The following RPS3 variants were observed in gnomAD, a reference collection of about 807,000 sequenced individuals.
RPS3 encodes ribosomal protein S3.
RPS3 carries 2 observed loss-of-function variants against 25.8 expected under a neutral mutation model. The observed-to-expected ratio is 0.08, with a 90% CI of 0.03 to 0.24. The LOEUF (loss-of-function observed/expected upper bound fraction) is 0.24, where lower values mean the gene tolerates loss of function less well. Among genes scored for constraint, RPS3 ranks in the 10% least tolerant of loss-of-function variants. The pLI is 1.00. For missense variants in RPS3, 107 were observed against 307.1 expected (o/e 0.35, Z 4.87); for synonymous variants, 114 against 114.2 (o/e 1.00, Z 0.01).
In RPS3 at chr11:75,404,726, T is replaced by C. The variant is rs774988250; in HGVS notation, c.593T>C (p.Ile198Thr). Residue 198 changes from isoleucine (I) to threonine (T), a missense_variant, in exon 6 of 7, where the codon ATT becomes ACT. Transcript: ENST00000531188. The surrounding 1 kb of genome is among the most constrained non-coding windows in gnomAD (Gnocchi z 4.6). Reference protein sequence around the residue: ...IMLPWDPTGKIGPKKPLPDHV... With the variant: ...IMLPWDPTGKTGPKKPLPDHV... ...CTGCCCTGGGACCCAACTGGTAAGA[T>C]TGGCCCTAAGAAGCCCCTGCCTGAC... 4 of 1,613,426 alleles carry C rather than the reference T, an allele frequency of 2.5e-6. No individual in the cohort carries two copies. Among genetic ancestry groups the C allele is most frequent in the African/African-American group, 1.3e-5 (1 of 75,002 alleles).
chr11:75,416,147 T>G (rs73492884), intron 6 of RPS3, among the ~76,000 whole-genome samples: 5,563 of 152,284 alleles, frequency 0.037, 325 homozygotes, highest in African/African-American at 0.13. Flanking sequence ...ATCAGTTACC[T>G]CCCTGTTCCT....
chr11:75,409,935 G>A (rs1463560547), downstream of RPS3, among the ~76,000 whole-genome samples: 1 of 147,736 alleles, frequency 6.8e-6, no homozygotes, highest in Non-Finnish European at 1.5e-5. Context: ...CCGGCCGGGC[G>A]GGGGGCTGAC....
Position 75,404,975 on chromosome 11 carries a change from T to C in RPS3, c.*3+107T>C. The C allele has an allele frequency of 1.3e-6, 1 of 760,582 alleles. No individual in the cohort carries two copies. The highest frequency in any genetic ancestry group is 2.0e-6 in the Non-Finnish European group (1 of 491,772). The allele number at this position is 760,582 out of a possible 1,614,324, so 47.1% of individuals were successfully genotyped here. A position where few individuals can be genotyped will look rare whatever the true frequency, so the allele number is the denominator to read the frequency against. Reference sequence around the variant, plus strand: ...TGGTAAGCGTTTGGTGAATAAAAATTTCATTTATTTGCTTTATGTGGGAGA... The same window carrying C: ...TGGTAAGCGTTTGGTGAATAAAAATCTCATTTATTTGCTTTATGTGGGAGA... On this transcript the variant is annotated intron_variant, in intron 6 of 6. Coordinates refer to ENST00000531188, the MANE Select transcript of RPS3 (RefSeq NM_001005.5). The surrounding 1 kb of genome is among the most constrained non-coding windows in gnomAD (Gnocchi z 4.6).
chr11:75,402,091 T>G (rs1294250158), intron 3 of RPS3: 2 of 564,470 alleles, frequency 3.5e-6, no homozygotes, highest in Admixed American at 6.1e-5. Context: ...CTGTATATGA[T>G]GGTGGTGTCC....
rs1266254600 is a variant in RPS3, at chr11:75,402,335, C to T, written c.256-17C>T. 4 of 1,612,818 alleles carry T rather than the reference C, an allele frequency of 2.5e-6. No individual in the cohort carries two copies. Among genetic ancestry groups the T allele is most frequent in the Non-Finnish European group, 8.5e-7 (1 of 1,178,910 alleles). On this transcript the variant is annotated splice_polypyrimidine_tract_variant and intron_variant, in intron 3 of 6. Coordinates refer to ENST00000531188, the MANE Select transcript of RPS3 (RefSeq NM_001005.5). ...ATAATGGTGATGGTAACAGGATATC[C>T]CTTGCTTCCTTTAAAGCTTTATGCT...
In RPS3 at chr11:75,401,679, G is replaced by C; in HGVS notation, c.201G>C (p.Arg67=). 2 of 1,613,752 alleles carry C rather than the reference G, an allele frequency of 1.2e-6. No homozygotes were observed. The highest frequency in any genetic ancestry group is 1.7e-6 in the Non-Finnish European group (2 of 1,179,596). Residue 67 remains arginine (R), a synonymous_variant, in exon 3 of 7, where the codon CGG becomes CGC. Coordinates refer to ENST00000531188, the MANE Select transcript of RPS3 (RefSeq NM_001005.5). ...TTGGTGAGAAGGGCCGGCGGATTCG[G>C]GAACTGACTGCTGTAGTTCAGAAGA... ...NVLGEKGRRI[R]ELTAVVQKRF... is the part of the protein sequence containing the mutation.
At position 75,406,367 on chromosome 11, in the gene RPS3, T is replaced by TG. The variant is rs1491548235; in HGVS notation, c.*758dup. 6.6e-6 allele frequency: 1 copy of TG among 152,216 alleles called. No individual in the cohort carries two copies. Among genetic ancestry groups the TG allele is most frequent in the Non-Finnish European group, 1.5e-5 (1 of 68,046 alleles). 9.4% of individuals were successfully genotyped at this position (152,216 alleles called of 1,614,324 possible). On this transcript the variant is annotated 3_prime_UTR_variant, in exon 7 of 7. Coordinates refer to ENST00000531188, the MANE Select transcript of RPS3 (RefSeq NM_001005.5). ...CAGGTTGGCTTGAAAATCATGAGAC[T>TG]GTTGTTAAATCAGATGCTGGTTGAT... is the stretch of plus-strand genomic sequence containing the variant.
chr11:75,403,930 G>A (rs1948246450), intron 4 of RPS3, 90 bp from the exon 5 acceptor site: 3 of 1,255,152 alleles, frequency 2.4e-6, no homozygotes, highest in Admixed American at 2.2e-5. Context: ...TCCATTAAAG[G>A]AACATTGAAA....
intron 6 of RPS3, among the ~76,000 whole-genome samples, chr11:75,416,972 A>G (rs1253918681): frequency 6.6e-6 from 1 of 152,210 alleles, no homozygotes; most frequent in African/African-American, 2.4e-5. Context: ...CCAGACTGGT[A>G]TGACTCTCTG....
chr11:75,407,506 C>T (rs533055871), downstream of RPS3, among the ~76,000 whole-genome samples: 4 of 152,184 alleles, frequency 2.6e-5, no homozygotes, highest in Admixed American at 2.6e-4. Flanking sequence ...GAGTCTCGCT[C>T]TGTCACCCAG....
intron 1 of RPS3, chr11:75,399,802 G>A: frequency 3.5e-6 from 2 of 565,162 alleles, no homozygotes; most frequent in Non-Finnish European, 6.3e-6. Flanking sequence ...TGGGCACCAG[G>A]CGCCCCTTCT....
At chr11:75,401,008 G>T (rs1359108845) in intron 2 of RPS3, among the ~76,000 whole-genome samples, 184 bp downstream of exon 2, 1 of 151,996 alleles carries the variant, frequency 6.6e-6, no homozygotes, top group Non-Finnish European at 1.5e-5. Flanking sequence ...TCAGCCTCCC[G>T]AGTAGCTGGG....
chr11:75,409,330 C>T (rs1358637228), downstream of RPS3, among the ~76,000 whole-genome samples: 9 of 136,958 alleles, frequency 6.6e-5, no homozygotes, highest in African/African-American at 1.9e-4. Flanking sequence ...GAGGACCCTG[C>T]GGCCTTCCGC....
chr11:75,417,964 G>T (rs930424040), intron 6 of RPS3, among the ~76,000 whole-genome samples: 13 of 152,202 alleles, frequency 8.5e-5, no homozygotes, highest in African/African-American at 2.9e-4. Flanking sequence ...CCCAGCCTCG[G>T]CCCGGATCAA....
chr11:75,405,003 A>G, intron 6 of RPS3, 135 bp downstream of exon 6: 1 of 592,012 alleles, frequency 1.7e-6, no homozygotes, highest in South Asian at 3.2e-5. Flanking sequence ...GTGGGAGAAT[A>G]CAAGTTGAAA....
chr11:75,400,731 A>C lies in RPS3; in HGVS notation c.68A>C (p.Glu23Ala), dbSNP rs776774578. ...GGCATCTTCAAAGCTGAACTGAATG[A>C]GTTTCTTACTCGGGAGCTGGCTGAA... is the stretch of plus-strand genomic sequence containing the variant. ...ADGIFKAELN[E>A]FLTRELAEDG... Residue 23 changes from glutamate (E) to alanine (A), a missense_variant, in exon 2 of 7, where the codon GAG (glutamate) becomes GCG (alanine). Glu to Ala is a moderately radical substitution (Grantham distance 107). Around this residue, in one of 2 missense-constraint regions of RPS3, gnomAD observed 81 missense variants for 286.8 expected, o/e 0.28. Coordinates refer to ENST00000531188, the MANE Select transcript of RPS3 (RefSeq NM_001005.5). The C allele has an allele frequency of 4.3e-6, 7 of 1,613,242 alleles. No homozygotes were observed. In the Admixed American group the frequency reaches 5.0e-5, roughly 12 times the overall value.
At chr11:75,414,616 AAAAATT>A (rs1321166017) in intron 6 of RPS3, among the ~76,000 whole-genome samples, 1 of 152,156 alleles carries the variant, frequency 6.6e-6, no homozygotes, top group Non-Finnish European at 1.5e-5. Context: ...CAAAAAAAAA[AAAAATT>A]AAAATAAATA....
At chr11:75,420,999 G>C (rs1231004942) in intron 6 of RPS3, among the ~76,000 whole-genome samples, 1 of 152,148 alleles carries the variant, frequency 6.6e-6, no homozygotes, top group Non-Finnish European at 1.5e-5. Context: ...TTGTTTGGGA[G>C]GAGCGTGCCC....
downstream of RPS3, among the ~76,000 whole-genome samples, chr11:75,410,385 A>ACGATGGGCGGC (rs1296855636): frequency 6.7e-6 from 1 of 149,804 alleles, no homozygotes; most frequent in African/African-American, 2.5e-5. Context: ...CACATCTCAG[A>ACGATGGGCGGC]CGATGGGCGG....
Sources: allele counts gnomAD v4.1 joint callset (sites outside exome capture counted in the v4.1 genomes callset), GRCh38; gene constraint gnomAD v4.1.1; regional missense constraint gnomAD v4.1.1; non-coding constraint Gnocchi (gnomAD v3.1); transcripts MANE v1.5; gene names NCBI Gene and HGNC (gene_info 2026-07-23, HGNC 2026-07-21).